PHIP: variants seen among roughly 807,000 people sequenced by gnomAD.
The protein encoded by PHIP is PH-interacting protein.
PHIP carries 54 observed loss-of-function variants against 236.8 expected under a neutral mutation model. The observed-to-expected ratio is 0.23, with a 90% confidence interval of 0.18 to 0.29. The LOEUF (loss-of-function observed/expected upper bound fraction) is 0.29, where lower values mean the gene tolerates loss of function less well. Among genes scored for constraint, PHIP ranks in the 10% least tolerant of loss-of-function variants. PHIP has a pLI of 1.00. For missense variants in PHIP, 1,370 were observed against 2,190.8 expected (o/e 0.63, Z 7.48); for synonymous variants, 756 against 718.9 (o/e 1.05, Z -0.83).
At chr6:79,045,402 G>A (rs1048463042) in intron 6 of PHIP, among the ~76,000 whole-genome samples, 1 of 152,052 alleles carries the variant, frequency 6.6e-6, no homozygotes, top group African/African-American at 2.4e-5. Context: ...ACTCACATTC[G>A]ATGAACTCCC....
intron 30 of PHIP, 31 bp from the exon 31 acceptor site, chr6:78,961,841 T>A: frequency 6.5e-7 from 1 of 1,534,692 alleles, no homozygotes; most frequent in Non-Finnish European, 8.9e-7. Context: ...TGTAAATTTA[T>A]TTTTGTATGC....
intron 15 of PHIP, among the ~76,000 whole-genome samples, chr6:79,006,407 A>G (rs115108612): frequency 1.1e-3 from 172 of 152,118 alleles, no homozygotes; most frequent in African/African-American, 4.1e-3. Flanking sequence ...GGTACGATTA[A>G]GTAAGCCAAT....
intron 4 of PHIP, among the ~76,000 whole-genome samples, chr6:79,063,522 T>C (rs945730975): frequency 6.6e-6 from 1 of 152,158 alleles, no homozygotes; most frequent in Non-Finnish European, 1.5e-5. Context: ...GTTCAAGTGA[T>C]TCTCCTGCCT....
chr6:78,948,267 T>A (rs1041554552), intron 35 of PHIP, among the ~76,000 whole-genome samples: 2 of 152,076 alleles, frequency 1.3e-5, no homozygotes, highest in Non-Finnish European at 2.9e-5. Flanking sequence ...AAATTGGGAG[T>A]TTTGCTTTGC....
chr6:79,073,404 T>C (rs771598295), intron 4 of PHIP, among the ~76,000 whole-genome samples: 7 of 152,196 alleles, frequency 4.6e-5, no homozygotes, highest in Non-Finnish European at 1.0e-4. Context: ...TCTATTTCAT[T>C]GATACTCTAC....
intron 35 of PHIP, among the ~76,000 whole-genome samples, chr6:78,949,284 T>C (rs1449191418): frequency 1.3e-5 from 2 of 152,162 alleles, no homozygotes; most frequent in Non-Finnish European, 2.9e-5. Flanking sequence ...TGGGGGGCCT[T>C]ACAGACCTGG....
chr6:79,064,862 CT>C (rs1462425005), intron 4 of PHIP, among the ~76,000 whole-genome samples: 5 of 152,134 alleles, frequency 3.3e-5, no homozygotes, highest in African/African-American at 1.2e-4. Context: ...GCATAGCAAA[CT>C]TTCTTAAAAC....
At chr6:78,980,179 A>G (rs986693203) in intron 23 of PHIP, among the ~76,000 whole-genome samples, 3 of 152,018 alleles carry the variant, frequency 2.0e-5, no homozygotes, top group Non-Finnish European at 4.4e-5. Flanking sequence ...ATAAATTTTT[A>G]TCGGAACACA....
At chr6:79,010,392 CT>C (rs571412110) in intron 15 of PHIP, among the ~76,000 whole-genome samples, 28 of 146,860 alleles carry the variant, frequency 1.9e-4, no homozygotes, top group South Asian at 4.3e-4. Flanking sequence ...GACACTGGAA[CT>C]TTTTTTTTTT....
At chr6:79,033,580 C>CA (rs1771776963) in intron 7 of PHIP, among the ~76,000 whole-genome samples, 1 of 152,168 alleles carries the variant, frequency 6.6e-6, no homozygotes, top group East Asian at 1.9e-4. Context: ...CCTCATCTCT[C>CA]AGCCTTCACA....
At chr6:78,966,195 A>G in intron 27 of PHIP, 139 bp from the exon 28 acceptor site, 1 of 596,448 alleles carries the variant, frequency 1.7e-6, no homozygotes, top group Non-Finnish European at 3.0e-6. Flanking sequence ...CTCCAAAAAT[A>G]AGTAAGTACA....
intron 6 of PHIP, among the ~76,000 whole-genome samples, chr6:79,047,630 A>G (rs1158774634): frequency 6.6e-6 from 1 of 152,146 alleles, no homozygotes; most frequent in Non-Finnish European, 1.5e-5. Flanking sequence ...CTCCAGTTAC[A>G]TTATTAGAGA....
At chr6:79,057,398 T>C (rs1207137150) in intron 6 of PHIP, among the ~76,000 whole-genome samples, 1 of 152,092 alleles carries the variant, frequency 6.6e-6, no homozygotes, top group African/African-American at 2.4e-5. Context: ...TTCTGAGAAA[T>C]AGACCAGGTA....
At chr6:78,970,291 G>T in intron 25 of PHIP, 118 bp from the exon 26 acceptor site, 1 of 759,492 alleles carries the variant, frequency 1.3e-6, no homozygotes, top group Non-Finnish European at 2.1e-6. Flanking sequence ...GGTGATGACT[G>T]TGTACATGTA....
At chr6:79,012,122 C>T (rs977770555) in intron 15 of PHIP, among the ~76,000 whole-genome samples, 2 of 151,448 alleles carry the variant, frequency 1.3e-5, no homozygotes, top group African/African-American at 4.8e-5. Flanking sequence ...ACAAAAAATG[C>T]AGTAAAATGC....
At chr6:79,041,340 G>A (rs1490132349) in intron 7 of PHIP, among the ~76,000 whole-genome samples, 1 of 151,960 alleles carries the variant, frequency 6.6e-6, no homozygotes, top group East Asian at 1.9e-4. Flanking sequence ...CTATTTCACT[G>A]CATTCTCCCT....
At chr6:79,078,000 C>T (rs1434778826) in intron 1 of PHIP, 29 bp downstream of exon 1, 27 of 1,606,810 alleles carry the variant, frequency 1.7e-5, no homozygotes, top group Non-Finnish European at 2.1e-5. Context: ...TCGCCCGGTG[C>T]CAGCGGCCCC....
chr6:79,016,654 G>T lies in PHIP; in HGVS notation c.1137-12C>A. On this transcript the variant is annotated splice_polypyrimidine_tract_variant and intron_variant, in intron 12 of 39. Coordinates refer to ENST00000275034, the MANE Select transcript of PHIP (RefSeq NM_017934.7). ...TGCCACTTACAAACCTGTATTAAAA[G>T]GAATCCGATCCCCCAAAGAAAAATC... is the stretch of plus-strand genomic sequence containing the variant. The T allele has an allele frequency of 6.5e-7, 1 of 1,543,548 alleles. No individual in the cohort carries two copies.
chr6:79,059,591 T>TTATATATATA lies in PHIP; in HGVS notation c.439+877_439+886dup, dbSNP rs72226338. ...AGGAAACAAAAAGTTGAAAGCAAAATTATATATATATATATATATATATAT... is the reference window on the plus strand; with the variant it reads ...AGGAAACAAAAAGTTGAAAGCAAAATTATATATATATATATATATATATATATATATATAT... On this transcript the variant is annotated intron_variant, in intron 6 of 39. Coordinates refer to ENST00000275034, the MANE Select transcript of PHIP (RefSeq NM_017934.7). Among the ~76,000 whole-genome samples the TTATATATATA allele has an allele frequency of 7.7e-3, 653 of 84,554 alleles. 8 individuals are homozygous for TTATATATATA. Among genetic ancestry groups the TTATATATATA allele is most frequent in the Non-Finnish European group, 1.0e-2 (428 of 42,966 alleles). The allele number at this position is 84,554 out of a possible 152,430, so 55.5% of individuals were successfully genotyped here.
Sources: allele counts gnomAD v4.1 joint callset (sites outside exome capture counted in the v4.1 genomes callset), GRCh38; gene constraint gnomAD v4.1.1; transcripts MANE v1.5; gene names NCBI Gene and HGNC (gene_info 2026-07-23, HGNC 2026-07-21).